Variants in KIRREL3 observed in about 807,000 individuals in gnomAD.
KIRREL3 encodes the protein kin of IRRE-like protein 3.
A neutral mutation model predicts 89.7 loss-of-function variants in KIRREL3; 36 were observed. That is an observed-to-expected ratio of 0.40 (90% confidence interval 0.31 to 0.53). The LOEUF is 0.53. Ranked by LOEUF, KIRREL3 falls within the 20% of genes least tolerant of loss-of-function variation. The probability of loss-of-function intolerance (pLI) is 0.49; values close to 1 mark genes in which losing one functional copy is unlikely to be tolerated. For synonymous variants in KIRREL3, 445 were observed against 441.4 expected (o/e 1.01, Z -0.10); for missense variants, 864 against 1,056.6 (o/e 0.82, Z 2.53).
chr11:126,541,841 C>CTT lies in KIRREL3; in HGVS notation c.134-15155_134-15154insAA, dbSNP rs1413765844. Among the ~76,000 whole-genome samples the CTT allele has an allele frequency of 3.9e-5, 6 of 152,088 alleles. No individual in the cohort carries two copies. Among genetic ancestry groups the CTT allele is most frequent in the Admixed American group, 2.0e-4 (3 of 15,268 alleles). ...CTTGATTAAGTGGCTGTCTCTCTCTCGGGGTGCGCATTGATGTTCCCACTG... is the reference window on the plus strand; with the variant it reads ...CTTGATTAAGTGGCTGTCTCTCTCTCTTGGGGTGCGCATTGATGTTCCCACTG... On this transcript the variant is annotated intron_variant, in intron 2 of 16. Transcript: ENST00000525144. This position sits in a 1 kb window ranked among gnomAD's most constrained non-coding sequence, Gnocchi z 4.8.
rs1246002879 is a variant in KIRREL3 at position 126,917,456 on chromosome 11, C to T, written c.55+82999G>A. Among the ~76,000 whole-genome samples, 2 of 152,046 alleles carry T rather than the reference C, an allele frequency of 1.3e-5. No individual in the cohort carries two copies. Among genetic ancestry groups the T allele is most frequent in the Admixed American group, 1.3e-4 (2 of 15,262 alleles). On this transcript the variant is annotated intron_variant, in intron 1 of 16. Transcript: ENST00000525144. This position sits in a 1 kb window ranked among gnomAD's most constrained non-coding sequence, Gnocchi z 5.0. ...TAAAAGTGGTTAAAATGTCAAATTTCATGTTGTATATATTTTACCACAATA... is the reference window on the plus strand; with the variant it reads ...TAAAAGTGGTTAAAATGTCAAATTTTATGTTGTATATATTTTACCACAATA...
At chr11:126,671,880 C>T (rs893505085) in intron 1 of KIRREL3, among the ~76,000 whole-genome samples, 2 of 152,144 alleles carry the variant, frequency 1.3e-5, no homozygotes, top group Non-Finnish European at 2.9e-5. Flanking sequence ...TCTTACCATG[C>T]TAAACATAGT....
intron 1 of KIRREL3, among the ~76,000 whole-genome samples, chr11:126,794,194 A>C (rs1048021136): frequency 2.0e-5 from 3 of 152,268 alleles, no homozygotes; most frequent in Non-Finnish European, 4.4e-5. Context: ...TTAAAATAAA[A>C]TATTAAGTGT....
chr11:126,629,092 A>G (rs555956542), intron 1 of KIRREL3, among the ~76,000 whole-genome samples: 26 of 151,948 alleles, frequency 1.7e-4, no homozygotes, highest in Admixed American at 1.5e-3. Context: ...CCTCCCCCCA[A>G]CCCCTGCCAA....
In KIRREL3 at chr11:126,484,211, C is replaced by G. The variant is rs566271019; in HGVS notation, c.434-10745G>C. On this transcript the variant is annotated intron_variant, in intron 4 of 16. Coordinates refer to ENST00000525144, the MANE Select transcript of KIRREL3 (RefSeq NM_032531.4). The surrounding 1 kb of genome is among the most constrained non-coding windows in gnomAD (Gnocchi z 5.2). ...CCTCTTACACTGGTCCTCACCACAT[C>G]TCTATTGCATTGACTTGTGGACCTG... Among the ~76,000 whole-genome samples, 125 of 152,316 alleles carry G rather than the reference C, an allele frequency of 8.2e-4. No homozygotes were observed. The highest frequency in any genetic ancestry group is 9.6e-4 in the East Asian group (5 of 5,190).
At chr11:126,828,544 TG>T (rs1014601716) in intron 1 of KIRREL3, among the ~76,000 whole-genome samples, 2 of 151,552 alleles carry the variant, frequency 1.3e-5, no homozygotes, top group Non-Finnish European at 2.9e-5. Flanking sequence ...ACCAGGGGAG[TG>T]GGGGGCAAGA....
At chr11:126,907,809 C>T (rs1946646793) in intron 1 of KIRREL3, among the ~76,000 whole-genome samples, 2 of 152,102 alleles carry the variant, frequency 1.3e-5, no homozygotes, top group Admixed American at 6.5e-5. Flanking sequence ...CCCTCTGGCT[C>T]ATTTTGCCCC....
intron 1 of KIRREL3, among the ~76,000 whole-genome samples, chr11:126,853,673 C>T (rs969129796): frequency 3.9e-5 from 6 of 151,986 alleles, no homozygotes; most frequent in East Asian, 3.9e-4. Context: ...TGACACCCTG[C>T]ATATGCTTTT....
At position 126,904,556 on chromosome 11, in the gene KIRREL3, C is replaced by A. The variant is rs187666747; in HGVS notation, c.55+95899G>T. Reference sequence around the variant, plus strand: ...AACTTCTTAGCCACACTTCTTAGCTCAGCTGCTGATGGCTTCCTACTAATG... The same window carrying A: ...AACTTCTTAGCCACACTTCTTAGCTAAGCTGCTGATGGCTTCCTACTAATG... On this transcript the variant is annotated intron_variant, in intron 1 of 16. Coordinates refer to ENST00000525144, the MANE Select transcript of KIRREL3 (RefSeq NM_032531.4). This position sits in a 1 kb window ranked among gnomAD's most constrained non-coding sequence, Gnocchi z 4.4. Among the ~76,000 whole-genome samples the A allele has an allele frequency of 6.6e-6, 1 of 152,336 alleles. No individual in the cohort carries two copies. Among genetic ancestry groups the A allele is most frequent in the Non-Finnish European group, 1.5e-5 (1 of 68,036 alleles).
Position 126,808,616 on chromosome 11 carries a change from C to T in KIRREL3, c.55+191839G>A, listed in dbSNP as rs1467334696. Among the ~76,000 whole-genome samples, 12 of 152,162 alleles carry T rather than the reference C, an allele frequency of 7.9e-5. No homozygotes were observed. The highest frequency in any genetic ancestry group is 2.9e-4 in the African/African-American group (12 of 41,436). On this transcript the variant is annotated intron_variant, in intron 1 of 16. Transcript: ENST00000525144. The surrounding 1 kb of genome is among the most constrained non-coding windows in gnomAD (Gnocchi z 4.1). The stretch of plus-strand genomic sequence containing the variant: ...CAGAAACATCAGCAGCAAAATGGAG[C>T]CAAATGGGCGGGGGCCTTTTTCTGC...
intron 7 of KIRREL3, 150 bp from the exon 8 acceptor site, chr11:126,449,307 G>C: frequency 1.2e-6 from 1 of 840,234 alleles, no homozygotes; most frequent in East Asian, 2.5e-5. Context: ...TCTTCACAGA[G>C]GGGCTACTTC....
chr11:126,873,541 G>T (rs747642526), intron 1 of KIRREL3, among the ~76,000 whole-genome samples: 1 of 152,084 alleles, frequency 6.6e-6, no homozygotes, highest in Non-Finnish European at 1.5e-5. Context: ...TTTTCTTTTT[G>T]CTCACAAGAG....
chr11:126,746,521 C>T (rs999879662), intron 1 of KIRREL3, among the ~76,000 whole-genome samples: 1 of 152,136 alleles, frequency 6.6e-6, no homozygotes, highest in Admixed American at 6.5e-5. Flanking sequence ...CTAGCATATG[C>T]TGCGGATACA....
chr11:126,649,818 G>A (rs1178085318), intron 1 of KIRREL3, among the ~76,000 whole-genome samples: 1 of 152,228 alleles, frequency 6.6e-6, no homozygotes, highest in Non-Finnish European at 1.5e-5. Flanking sequence ...ACTAGGCAGT[G>A]CCCTAGTAGG....
At chr11:126,992,001 T>C (rs1437092706) in intron 1 of KIRREL3, among the ~76,000 whole-genome samples, 1 of 152,188 alleles carries the variant, frequency 6.6e-6, no homozygotes, top group Non-Finnish European at 1.5e-5. Flanking sequence ...TGAAATGAGG[T>C]AGTGCTTGTG....
At chr11:126,922,008 A>T (rs59348875) in intron 1 of KIRREL3, among the ~76,000 whole-genome samples, 19 of 116,158 alleles carry the variant, frequency 1.6e-4, no homozygotes, top group Middle Eastern at 6.4e-3. Flanking sequence ...TCTATCTATC[A>T]TCTATCTTCC....
chr11:126,972,239 C>A (rs1198008824), intron 1 of KIRREL3, among the ~76,000 whole-genome samples: 1 of 138,310 alleles, frequency 7.2e-6, no homozygotes, highest in Non-Finnish European at 1.6e-5. Flanking sequence ...ACACTGATCT[C>A]CCCCAGGAAT....
In KIRREL3 at chr11:126,705,217, T is replaced by C. The variant is rs945043552; in HGVS notation, c.56-142305A>G. Among the ~76,000 whole-genome samples, 2 of 152,248 alleles carry C rather than the reference T, an allele frequency of 1.3e-5. No individual in the cohort carries two copies. Among genetic ancestry groups the C allele is most frequent in the Admixed American group, 1.3e-4 (2 of 15,288 alleles). ...TATTTGCATCATTCTGCAAATTTTATATATGTCTTTGTGATATGGTTTGGA... is the reference window on the plus strand; with the variant it reads ...TATTTGCATCATTCTGCAAATTTTACATATGTCTTTGTGATATGGTTTGGA... On this transcript the variant is annotated intron_variant, in intron 1 of 16. Transcript: ENST00000525144. This position sits in a 1 kb window ranked among gnomAD's most constrained non-coding sequence, Gnocchi z 4.3.
intron 4 of KIRREL3, among the ~76,000 whole-genome samples, chr11:126,487,510 T>G (rs540507199): frequency 6.6e-6 from 1 of 152,350 alleles, no homozygotes; most frequent in East Asian, 1.9e-4. Context: ...ACCTTTCAAC[T>G]TTATGCAAAT....
Sources: gnomAD v4.1 joint callset for allele counts (sites outside exome capture counted in the v4.1 genomes callset) on GRCh38, gnomAD v4.1.1 for gene constraint, Gnocchi (gnomAD v3.1) non-coding constraint, MANE v1.5 for transcripts, NCBI Gene and HGNC (gene_info 2026-07-23, HGNC 2026-07-21) for gene names.